GLIS3: variants seen among roughly 807,000 people sequenced by gnomAD.
GLIS3 encodes the protein GLIS family zinc finger 3.
In GLIS3, 53 loss-of-function variants were observed where a neutral mutation model predicts 78.6. The observed-to-expected ratio is 0.67, with a 90% confidence interval of 0.54 to 0.85. GLIS3 has a LOEUF of 0.85. Among genes scored for constraint, GLIS3 ranks in the 40% least tolerant of loss-of-function variants. The pLI, the probability that GLIS3 is intolerant of heterozygous loss-of-function variation, is 0.00. For missense variants in GLIS3, 1,703 were observed against 1,231.1 expected (o/e 1.38, Z -5.74); for synonymous variants, 684 against 509.9 (o/e 1.34, Z -4.60).
At chr9:4,108,491 C>G (rs1830947698) in intron 4 of GLIS3, among the ~76,000 whole-genome samples, 1 of 152,156 alleles carries the variant, frequency 6.6e-6, no homozygotes, top group Non-Finnish European at 1.5e-5. Context: ...AAGGCTGAGT[C>G]CTCCATTTCC....
At chr9:4,484,245 T>TTA in the GLIS3 span, among the ~76,000 whole-genome samples, 6 of 148,500 alleles carry the variant, frequency 4.0e-5, no homozygotes, top group South Asian at 2.1e-4. Flanking sequence ...TTTTATTTTT[T>TTA]TTATTTTTTT....
chr9:4,194,121 G>A lies in GLIS3; in HGVS notation c.389-68180C>T, dbSNP rs980831306. Among the ~76,000 whole-genome samples the A allele has an allele frequency of 5.9e-5, 9 of 152,068 alleles. No homozygotes were observed. The East Asian group carries it at 1.2e-3, about 20-fold the overall frequency. On this transcript the variant is annotated intron_variant, in intron 2 of 10. Transcript: ENST00000381971. ...CGCCCAGGCTGGAGTGCAGTGGTGCGATCTCGGCTCTCTGCAACCTCCACC... is the reference window on the plus strand; with the variant it reads ...CGCCCAGGCTGGAGTGCAGTGGTGCAATCTCGGCTCTCTGCAACCTCCACC...
At chr9:4,390,455 T>A in the GLIS3 span, among the ~76,000 whole-genome samples, 3 of 152,098 alleles carry the variant, frequency 2.0e-5, no homozygotes, top group Non-Finnish European at 2.9e-5. Context: ...ACCCGCAAAC[T>A]TCTAAGCTCA....
chr9:4,391,458 C>T, the GLIS3 span, among the ~76,000 whole-genome samples: 1 of 151,914 alleles, frequency 6.6e-6, no homozygotes, highest in Non-Finnish European at 1.5e-5. Context: ...TAAGGTTTTT[C>T]CCAATAACTG....
the GLIS3 span, among the ~76,000 whole-genome samples, chr9:4,408,726 C>CAAA: frequency 5.8e-3 from 330 of 56,516 alleles, 8 homozygotes; most frequent in African/African-American, 0.018. Context: ...GACTCTGTCT[C>CAAA]AAAAAAAAAA....
chr9:4,403,176 A>G, the GLIS3 span, among the ~76,000 whole-genome samples: 1 of 152,188 alleles, frequency 6.6e-6, no homozygotes, highest in Non-Finnish European at 1.5e-5. Flanking sequence ...CATATTTAAA[A>G]TGCTGACGGA....
chr9:4,029,573 C>G (rs539243579), intron 4 of GLIS3, among the ~76,000 whole-genome samples: 1 of 152,018 alleles, frequency 6.6e-6, no homozygotes, highest in Non-Finnish European at 1.5e-5. Context: ...GACCCACTAA[C>G]CATCCCTGCC....
intron 2 of GLIS3, among the ~76,000 whole-genome samples, chr9:4,233,717 G>C (rs998227985): frequency 6.6e-6 from 1 of 152,178 alleles, no homozygotes; most frequent in Non-Finnish European, 1.5e-5. Context: ...GAGCCAGCCT[G>C]TCCTTTGAAG....
chr9:4,302,548 C>G (rs1011341970), upstream of GLIS3, among the ~76,000 whole-genome samples: 1 of 152,224 alleles, frequency 6.6e-6, no homozygotes, highest in Non-Finnish European at 1.5e-5. Flanking sequence ...AATGGGGACT[C>G]TTTGCATATA....
At chr9:3,868,843 TTGTATACAACACTTGTTGTACATAGTC>T (rs1820782220) in intron 8 of GLIS3, among the ~76,000 whole-genome samples, 1 of 2,436 alleles carries the variant, frequency 4.1e-4, no homozygotes, top group Non-Finnish European at 9.0e-4. Context: ...GTACATAGTG[TTGTATACAACACTTGTTGTACATAGTC>T]TTCTTGCCTG....
Position 4,312,093 on chromosome 9 carries a change from T to C in GLIS3, n.265-1565A>G, listed in dbSNP as rs144075561. On this transcript the variant is annotated intron_variant and non_coding_transcript_variant, in intron 2 of 4. Transcript: ENST00000471664. ...TACAACAAACCCGCATGACATGAGT[T>C]TACCTGTATAACAAACCTACACATG... Among the ~76,000 whole-genome samples the C allele has an allele frequency of 8.8e-3, 1,337 of 152,298 alleles. 63 individuals are homozygous for C. The highest frequency in any genetic ancestry group is 0.054 in the Admixed American group (824 of 15,298).
chr9:3,916,482 G>C (rs1475587739), intron 6 of GLIS3, among the ~76,000 whole-genome samples: 1 of 152,222 alleles, frequency 6.6e-6, no homozygotes, highest in Non-Finnish European at 1.5e-5. Flanking sequence ...CCACTCAAAG[G>C]AACTGGTCAC....
At chr9:4,299,274 A>T (rs1816899181) in intron 1 of GLIS3, 147 bp downstream of exon 1, 1 of 151,926 alleles carries the variant, frequency 6.6e-6, no homozygotes, top group South Asian at 2.1e-4. Context: ...CGTATCCTTA[A>T]ACCCGCGCGA....
At chr9:3,878,295 T>G (rs1342997349) in intron 8 of GLIS3, among the ~76,000 whole-genome samples, 1 of 152,154 alleles carries the variant, frequency 6.6e-6, no homozygotes, top group Non-Finnish European at 1.5e-5. Flanking sequence ...TTTGAATGCC[T>G]GTCCTCACCA....
intron 6 of GLIS3, among the ~76,000 whole-genome samples, chr9:3,923,111 C>G (rs1237882152): frequency 6.6e-6 from 1 of 152,230 alleles, no homozygotes; most frequent in Non-Finnish European, 1.5e-5. Context: ...GGATAAGCCA[C>G]TTATCTAAAG....
chr9:4,128,440 C>T (rs909406919), intron 2 of GLIS3, among the ~76,000 whole-genome samples: 2 of 152,182 alleles, frequency 1.3e-5, no homozygotes, highest in African/African-American at 4.8e-5. Context: ...TAGCACCTAA[C>T]CTAGGGTCTA....
At chr9:4,272,677 C>A (rs1008075041) in intron 2 of GLIS3, among the ~76,000 whole-genome samples, 2 of 152,182 alleles carry the variant, frequency 1.3e-5, no homozygotes, top group African/African-American at 4.8e-5. Flanking sequence ...GTGTGTTTTA[C>A]GTAATACACT....
chr9:4,425,578 A>T, the GLIS3 span, among the ~76,000 whole-genome samples: 1 of 151,966 alleles, frequency 6.6e-6, no homozygotes, highest in South Asian at 2.1e-4. Flanking sequence ...TTGCTGAGTG[A>T]CTCCAGTGGG....
At chr9:4,417,117 T>C in the GLIS3 span, among the ~76,000 whole-genome samples, 8 of 152,192 alleles carry the variant, frequency 5.3e-5, no homozygotes, top group Admixed American at 5.2e-4. Flanking sequence ...CTTTTCCGTC[T>C]ATTAGTAAAC....
Sources: allele counts gnomAD v4.1 joint callset (sites outside exome capture counted in the v4.1 genomes callset), GRCh38; gene constraint gnomAD v4.1.1; transcripts MANE v1.5; gene names NCBI Gene and HGNC (gene_info 2026-07-23, HGNC 2026-07-21).